DOCK11: variants seen among roughly 807,000 people sequenced by gnomAD.
DOCK11 encodes the protein dedicator of cytokinesis protein 11.
Under a neutral mutation model 169.1 loss-of-function variants are expected in DOCK11, and 70 were observed. The ratio of observed to expected loss-of-function variants is 0.41; its 90% CI spans 0.34 to 0.51. DOCK11 has a LOEUF of 0.51. Among genes scored for constraint, DOCK11 ranks in the 20% least tolerant of loss-of-function variants. The probability of loss-of-function intolerance (pLI) is 0.10; values close to 1 mark genes in which losing one functional copy is unlikely to be tolerated. For missense variants in DOCK11, 1,166 were observed against 1,538.8 expected, an observed-to-expected ratio of 0.76 and a Z score of 4.05; for synonymous variants, 529 against 541.3, an observed-to-expected ratio of 0.98 and a Z score of 0.32.
intron 1 of DOCK11, among the ~76,000 whole-genome samples, chrX:118,513,209 G>T (rs767011244): frequency 8.9e-6 from 1 of 111,989 alleles, no homozygotes; most frequent in East Asian, 2.8e-4. Context: ...TGGCTAAAAA[G>T]TGTGCTTTGT....
At chrX:118,513,398 G>T (rs969062555) in intron 1 of DOCK11, among the ~76,000 whole-genome samples, 12 of 112,015 alleles carry the variant, frequency 1.1e-4, no homozygotes, top group Non-Finnish European at 2.1e-4. Flanking sequence ...AAATGTCCTG[G>T]CTTTGGATTT....
At chrX:118,532,775 T>C (rs1216062302) in intron 1 of DOCK11, among the ~76,000 whole-genome samples, 4 of 75,482 alleles carry the variant, frequency 5.3e-5, no homozygotes, top group African/African-American at 1.8e-4. Context: ...AGCGAGACTC[T>C]GTCTCAAAAA....
intron 1 of DOCK11, among the ~76,000 whole-genome samples, chrX:118,540,774 T>C (rs2147343489): frequency 8.9e-6 from 1 of 112,140 alleles, no homozygotes; most frequent in South Asian, 3.7e-4. Flanking sequence ...GATGTAGTGA[T>C]ACTAGAGACT....
At chrX:118,635,375 GTTTGT>G (rs778114518) in intron 35 of DOCK11, among the ~76,000 whole-genome samples, 19 of 111,828 alleles carry the variant, frequency 1.7e-4, no homozygotes, top group Non-Finnish European at 2.6e-4. Context: ...TGGTGGCACT[GTTTGT>G]TTTGTTTTGT....
In DOCK11 at chrX:118,647,954, A is replaced by AATATATTATATATTATT. The variant is rs1163567870; in HGVS notation, c.4399-985_4399-984insTATATATTATTATATAT. Among the ~76,000 whole-genome samples the AATATATTATATATTATT allele has an allele frequency of 7.0e-4, 33 of 47,023 alleles. 2 individuals are homozygous for AATATATTATATATTATT. In the Admixed American group the frequency reaches 8.3e-3, roughly 12 times the overall value. 40.8% of individuals were successfully genotyped at this position (47,023 alleles called of 115,157 possible). On this transcript the variant is annotated intron_variant, in intron 40 of 52. Coordinates refer to ENST00000276202, the MANE Select transcript of DOCK11 (RefSeq NM_144658.4). ...AATAATATATTTTATAATATATAAT[A>AATATATTATATATTATT]ATATATAATATATAATTATATATAA...
chrX:118,683,843 A>T (rs2016795605), intron 52 of DOCK11, among the ~76,000 whole-genome samples: 2 of 112,247 alleles, frequency 1.8e-5, no homozygotes. Context: ...AGTTATTCCC[A>T]TAAAACATGG....
Position 118,647,766 on chromosome X carries a change from TATAATATATA to T in DOCK11, c.4399-1165_4399-1156del, listed in dbSNP as rs1450553794. Among the ~76,000 whole-genome samples the T allele has an allele frequency of 2.3e-3, 96 of 40,944 alleles. 1 individual carries two copies. The South Asian group carries it at 0.033, about 14-fold the overall frequency. 35.6% of individuals were successfully genotyped at this position (40,944 alleles called of 115,157 possible). On this transcript the variant is annotated intron_variant, in intron 40 of 52. Transcript: ENST00000276202. ...TAATATATAATAATATATAATATAT[TATAATATATA>T]ATAATATATAATATATTATAATATA...
At chrX:118,601,402 C>T (rs1351856567) in intron 23 of DOCK11, among the ~76,000 whole-genome samples, 6 of 105,025 alleles carry the variant, frequency 5.7e-5, no homozygotes, top group Non-Finnish European at 7.8e-5. Flanking sequence ...CCAGCCTGGG[C>T]CACAGCGAGA....
At chrX:118,670,268 A>G in intron 45 of DOCK11, among the ~76,000 whole-genome samples, 1 of 112,007 alleles carries the variant, frequency 8.9e-6, no homozygotes, top group Non-Finnish European at 1.9e-5. Context: ...AATCAGTTCT[A>G]CAGGTTTGAA....
intron 23 of DOCK11, among the ~76,000 whole-genome samples, chrX:118,599,539 A>G (rs942319902): frequency 4.4e-4 from 49 of 112,088 alleles, no homozygotes; most frequent in African/African-American, 1.3e-3. Context: ...CTGCCCAATA[A>G]AGGTGGAGGA....
At chrX:118,608,026 AATTC>A in intron 24 of DOCK11, 42 bp from the exon 25 acceptor site, 1 of 1,056,514 alleles carries the variant, frequency 9.5e-7, no homozygotes, top group Non-Finnish European at 1.3e-6. Flanking sequence ...AAAATATGTT[AATTC>A]ATTATAGCAT....
At chrX:118,681,863 CAA>C in intron 51 of DOCK11, 69 bp downstream of exon 51, 1 of 842,813 alleles carries the variant, frequency 1.2e-6, no homozygotes, top group Admixed American at 3.1e-5. Context: ...TAAAAAACAA[CAA>C]AGTATTGACC....
Position 118,544,647 on chromosome X carries a change from T to A in DOCK11, c.393-676T>A, listed in dbSNP as rs1167715552. 9.9e-4 allele frequency among the ~76,000 whole-genome samples: 12 copies of A among 12,088 alleles called. No homozygotes were observed. In the East Asian group the frequency reaches 0.033, roughly 33 times the overall value. 10.5% of individuals were successfully genotyped at this position (12,088 alleles called of 115,157 possible). A position where few individuals can be genotyped will look rare whatever the true frequency, so the allele number is the denominator to read the frequency against. The stretch of plus-strand genomic sequence containing the variant: ...CAAGAGCCAGAATTACACTGTTGCT[T>A]TTTTTTTTTTTTTTTTTTTTTTTTT... On this transcript the variant is annotated intron_variant, in intron 4 of 52. Coordinates refer to ENST00000276202, the MANE Select transcript of DOCK11 (RefSeq NM_144658.4).
intron 14 of DOCK11, among the ~76,000 whole-genome samples, chrX:118,581,599 C>T (rs1365839298): frequency 1.9e-5 from 2 of 107,378 alleles, no homozygotes; most frequent in Non-Finnish European, 3.8e-5. Context: ...GTCAGGAGAT[C>T]GAGACCATCC....
Position 118,671,105 on chromosome X carries a change from A to G in DOCK11, c.5159A>G (p.Lys1720Arg), listed in dbSNP as rs2016459391. The G allele has an allele frequency of 8.3e-7, 1 of 1,205,282 alleles. No homozygotes were observed. The highest frequency in any genetic ancestry group is 1.7e-5 in the African/African-American group (1 of 57,292). ...TATGAAATAATTTCTGAGATTTCCA[A>G]GTTGATCGTTCCAATTTATGAGAAA... ...ERYEIISEIS[K>R]LIVPIYEKRR... The change falls in exon 46 of 53, where the codon AAG (lysine) becomes AGG (arginine). Residue 1720 changes from lysine to arginine, a missense_variant. Transcript: ENST00000276202.
intron 45 of DOCK11, among the ~76,000 whole-genome samples, chrX:118,668,122 A>G (rs2016381125): frequency 9.0e-6 from 1 of 111,477 alleles, no homozygotes; most frequent in Admixed American, 9.6e-5. Context: ...CTCTTGCCTT[A>G]TTGTACTGGC....
intron 1 of DOCK11, among the ~76,000 whole-genome samples, chrX:118,499,713 T>TA (rs900486434): frequency 3.6e-5 from 4 of 112,164 alleles, no homozygotes; most frequent in African/African-American, 1.3e-4. Context: ...CAGTTTCAAC[T>TA]TGGGCTTCTT....
chrX:118,546,210 CAAAA>C (rs1556269491), intron 6 of DOCK11, 94 bp downstream of exon 6: 282 of 48,901 alleles, frequency 5.8e-3, no homozygotes, highest in East Asian at 9.9e-3. Context: ...AGAGCCCTAG[CAAAA>C]AAAAAAAAAA....
At chrX:118,647,919 ATATATAATAAATAATATATTT>A (rs2015785080) in intron 40 of DOCK11, among the ~76,000 whole-genome samples, 1 of 45,044 alleles carries the variant, frequency 2.2e-5, no homozygotes, top group Non-Finnish European at 3.3e-5. Context: ...TTATAATATT[ATATATAATAAATAATATATTT>A]TATAATATAT....
Sources: gnomAD v4.1 joint callset for allele counts (sites outside exome capture counted in the v4.1 genomes callset) on GRCh38, gnomAD v4.1.1 for gene constraint, MANE v1.5 for transcripts, NCBI Gene and HGNC (gene_info 2026-07-23, HGNC 2026-07-21) for gene names.